Variants in CHCHD6 observed in about 807,000 individuals in gnomAD.
CHCHD6 encodes the protein MICOS complex subunit MIC25.
In CHCHD6, 28 loss-of-function variants were observed where a neutral mutation model predicts 32.3. The ratio of observed to expected loss-of-function variants is 0.87; its 90% CI spans 0.64 to 1.19. CHCHD6 has a LOEUF of 1.19. Among genes scored for constraint, CHCHD6 ranks in the 50% most tolerant of loss-of-function variants. The pLI, the probability that CHCHD6 is intolerant of heterozygous loss-of-function variation, is 0.00. For synonymous variants in CHCHD6, 122 were observed against 117.5 expected (o/e 1.04, Z -0.25); for missense variants, 333 against 307.0 (o/e 1.08, Z -0.63).
intron 5 of CHCHD6, chr3:126,855,006 C>T (rs1941612147): frequency 6.6e-6 from 1 of 152,206 alleles, no homozygotes; most frequent in Admixed American, 6.5e-5. Flanking sequence ...GACTTATGGA[C>T]CCTTTTGTCT....
intron 5 of CHCHD6, among the ~76,000 whole-genome samples, chr3:126,885,650 T>C (rs78946820): frequency 5.9e-5 from 9 of 152,320 alleles, no homozygotes; most frequent in Non-Finnish European, 7.3e-5. Context: ...AGGTGGTGTA[T>C]ATCTAAAGAA....
chr3:126,897,316 G>T (rs539967774), intron 5 of CHCHD6, among the ~76,000 whole-genome samples: 1 of 152,160 alleles, frequency 6.6e-6, no homozygotes, highest in Middle Eastern at 3.4e-3. Flanking sequence ...GCATGCCATG[G>T]TATCAATAGA....
At chr3:126,951,682 G>A (rs1205995580) in intron 6 of CHCHD6, among the ~76,000 whole-genome samples, 1 of 152,258 alleles carries the variant, frequency 6.6e-6, no homozygotes, top group Admixed American at 6.5e-5. Context: ...TCGGCCACCA[G>A]AGGTGTGAGG....
intron 7 of CHCHD6, 119 bp from the exon 8 acceptor site, chr3:126,960,077 G>A (rs1559944959): frequency 8.2e-7 from 1 of 1,215,820 alleles, no homozygotes; most frequent in Non-Finnish European, 1.2e-6. Flanking sequence ...CAGGTGAGGA[G>A]GGAGACCAAC....
chr3:126,948,989 G>A (rs1051732019), intron 6 of CHCHD6, among the ~76,000 whole-genome samples: 1 of 152,218 alleles, frequency 6.6e-6, no homozygotes, highest in African/African-American at 2.4e-5. Context: ...CAGGCCAGAA[G>A]GGGAAACCTG....
intron 1 of CHCHD6, among the ~76,000 whole-genome samples, chr3:126,720,553 A>G (rs1216356651): frequency 6.6e-6 from 1 of 152,208 alleles, no homozygotes; most frequent in Admixed American, 6.5e-5. Context: ...ATTGTAGCCA[A>G]TTCCAAACTG....
At chr3:126,794,428 A>G (rs928546825) in intron 4 of CHCHD6, among the ~76,000 whole-genome samples, 3 of 148,512 alleles carry the variant, frequency 2.0e-5, no homozygotes, top group Admixed American at 1.3e-4. Flanking sequence ...ATATTTATAT[A>G]TATACATATA....
intron 3 of CHCHD6, 28 bp from the exon 4 acceptor site, chr3:126,733,050 T>C (rs1935881075): frequency 6.2e-7 from 1 of 1,610,862 alleles, no homozygotes; most frequent in East Asian, 2.2e-5. Flanking sequence ...CATCCACATC[T>C]GTTTCTCCTC....
chr3:126,913,111 G>A (rs926577982), intron 5 of CHCHD6, among the ~76,000 whole-genome samples: 27 of 150,404 alleles, frequency 1.8e-4, no homozygotes, highest in Non-Finnish European at 3.8e-4. Flanking sequence ...GCGTGTTTCA[G>A]GGACTGACTG....
intron 4 of CHCHD6, among the ~76,000 whole-genome samples, chr3:126,739,054 G>A (rs1936176704): frequency 6.6e-6 from 1 of 152,158 alleles, no homozygotes; most frequent in African/African-American, 2.4e-5. Flanking sequence ...GACTCTGGTG[G>A]CCTTGTCCCT....
chr3:126,832,414 G>A (rs768567772), intron 4 of CHCHD6, among the ~76,000 whole-genome samples: 15 of 152,102 alleles, frequency 9.9e-5, no homozygotes, highest in African/African-American at 3.6e-4. Context: ...CTTGGTGGGC[G>A]CCGTCTCTAC....
intron 6 of CHCHD6, among the ~76,000 whole-genome samples, chr3:126,944,264 C>T (rs1051313399): frequency 2.0e-5 from 3 of 152,254 alleles, no homozygotes; most frequent in Non-Finnish European, 2.9e-5. Context: ...CTCAGCCCAC[C>T]GGGTTACAAA....
rs1576645106 is a variant in CHCHD6, at chr3:126,952,214, C to T, written c.567-5202C>T. Among the ~76,000 whole-genome samples, 5 of 152,230 alleles carry T rather than the reference C, an allele frequency of 3.3e-5. No homozygotes were observed. The South Asian group carries it at 1.0e-3, about 32-fold the overall frequency. The stretch of plus-strand genomic sequence containing the variant: ...AAACAAGGGCATGGGCTAGGGCTCT[C>T]CTGTAGGCTAGACTTGGGAGTGCTC... On this transcript the variant is annotated intron_variant, in intron 6 of 7. Transcript: ENST00000290913.
rs146063688 is a variant in CHCHD6 at position 126,765,649 on chromosome 3, T to C, written c.411+32427T>C. The stretch of plus-strand genomic sequence containing the variant: ...GATCCTTCTTGCAAGGACTGGAGAA[T>C]GCACTTGACTGCTGGCTGATCAATC... On this transcript the variant is annotated intron_variant, in intron 4 of 7. Transcript: ENST00000290913. 2.3e-3 allele frequency among the ~76,000 whole-genome samples: 355 copies of C among 152,342 alleles called. 1 individual carries two copies. The highest frequency in any genetic ancestry group is 8.2e-3 in the African/African-American group (343 of 41,586).
At chr3:126,809,875 G>T (rs1939579879) in intron 4 of CHCHD6, among the ~76,000 whole-genome samples, 1 of 152,134 alleles carries the variant, frequency 6.6e-6, no homozygotes, top group Non-Finnish European at 1.5e-5. Context: ...TGTTGCTCTG[G>T]TAGGAGCTGT....
At chr3:126,717,770 T>G (rs1006877033) in intron 1 of CHCHD6, among the ~76,000 whole-genome samples, 7 of 141,538 alleles carry the variant, frequency 4.9e-5, no homozygotes, top group East Asian at 2.2e-4. Context: ...TGCTGAGGGG[T>G]GTGTGTGTGT....
chr3:126,843,510 T>C (rs1941182231), intron 4 of CHCHD6, among the ~76,000 whole-genome samples: 1 of 152,228 alleles, frequency 6.6e-6, no homozygotes, highest in Non-Finnish European at 1.5e-5. Context: ...GGGTAAGGCT[T>C]ATGTTTTGTT....
intron 5 of CHCHD6, among the ~76,000 whole-genome samples, chr3:126,910,239 C>T (rs2078067379): frequency 7.4e-6 from 1 of 134,656 alleles, no homozygotes. Flanking sequence ...GATCACACCA[C>T]TGCATTCCAG....
At chr3:126,738,507 T>C (rs1027745934) in intron 4 of CHCHD6, among the ~76,000 whole-genome samples, 4 of 152,242 alleles carry the variant, frequency 2.6e-5, no homozygotes, top group Admixed American at 1.3e-4. Context: ...ATTGTCTTGT[T>C]CCTCAGATTA....
Sources: allele counts gnomAD v4.1 joint callset (sites outside exome capture counted in the v4.1 genomes callset), GRCh38; gene constraint gnomAD v4.1.1; transcripts MANE v1.5; gene names NCBI Gene and HGNC (gene_info 2026-07-23, HGNC 2026-07-21).